Variants in NAV3 observed in about 807,000 individuals in gnomAD.
NAV3 encodes the protein pore membrane and/or filament interacting like protein 1.
NAV3 carries 87 observed loss-of-function variants against 244.7 expected under a neutral mutation model. The observed-to-expected ratio is 0.36, with a 90% CI of 0.30 to 0.42. The LOEUF is 0.42. Among genes scored for constraint, NAV3 ranks in the 20% least tolerant of loss-of-function variants. The pLI, the probability that NAV3 is intolerant of heterozygous loss-of-function variation, is 1.00. For missense variants in NAV3, 2,663 were observed against 2,893.3 expected (o/e 0.92, Z 1.83); for synonymous variants, 1,126 against 1,042.2 (o/e 1.08, Z -1.55).
chr12:77,989,197 T>C (rs936469784), intron 5 of NAV3, among the ~76,000 whole-genome samples: 14 of 152,166 alleles, frequency 9.2e-5, no homozygotes, highest in African/African-American at 3.4e-4. Context: ...TGCTCTCTTT[T>C]AGACCTCTTT....
intron 1 of NAV3, among the ~76,000 whole-genome samples, chr12:77,844,469 C>T (rs1876277805): frequency 6.6e-6 from 1 of 152,146 alleles, no homozygotes; most frequent in Non-Finnish European, 1.5e-5. Context: ...AAAGCATGAG[C>T]TAATATTTGG....
intron 12 of NAV3, among the ~76,000 whole-genome samples, chr12:78,089,780 C>T (rs879730674): frequency 3.9e-5 from 6 of 152,086 alleles, no homozygotes; most frequent in African/African-American, 1.4e-4. Flanking sequence ...TTTGACACTG[C>T]GTCTAACTCA....
At chr12:77,641,686 C>T (rs1872417741) in intron 2 of NAV3, among the ~76,000 whole-genome samples, 2 of 151,840 alleles carry the variant, frequency 1.3e-5, no homozygotes, top group South Asian at 4.2e-4. Flanking sequence ...TTTATGAATA[C>T]ATAACAAGAG....
intron 2 of NAV3, among the ~76,000 whole-genome samples, chr12:77,685,462 C>T (rs1289242572): frequency 7.8e-5 from 11 of 140,580 alleles, no homozygotes; most frequent in South Asian, 4.7e-4. Context: ...ATACTCCCAA[C>T]GCATACACAT....
intron 1 of NAV3, among the ~76,000 whole-genome samples, chr12:77,836,536 T>A (rs1185164556): frequency 6.8e-6 from 1 of 148,102 alleles, no homozygotes; most frequent in East Asian, 1.9e-4. Flanking sequence ...AGTATTATAA[T>A]CTACATTTAC....
chr12:78,200,404 G>T, intron 37 of NAV3, 69 bp from the exon 38 acceptor site: 1 of 860,678 alleles, frequency 1.2e-6, no homozygotes, highest in Non-Finnish European at 1.7e-6. Context: ...ATTCCAAAAT[G>T]GTGTCTAGAT....
intron 16 of NAV3, 55 bp downstream of exon 16, chr12:78,122,483 C>T: frequency 6.6e-7 from 1 of 1,505,706 alleles, no homozygotes; most frequent in South Asian, 1.3e-5. Flanking sequence ...TGCACTATGC[C>T]TAACCCCCAC....
intron 3 of NAV3, among the ~76,000 whole-genome samples, chr12:77,964,221 G>T (rs1011769047): frequency 6.6e-6 from 1 of 151,998 alleles, no homozygotes; most frequent in African/African-American, 2.4e-5. Context: ...CTTAGTTACA[G>T]ACTCAATGAG....
At chr12:77,897,078 A>G (rs967085582) in intron 1 of NAV3, among the ~76,000 whole-genome samples, 4 of 152,154 alleles carry the variant, frequency 2.6e-5, no homozygotes, top group South Asian at 2.1e-4. Context: ...CACAATCTGC[A>G]TTTGAACAAG....
At chr12:77,960,976 A>G (rs995792660) in intron 3 of NAV3, among the ~76,000 whole-genome samples, 1 of 146,604 alleles carries the variant, frequency 6.8e-6, no homozygotes, top group East Asian at 2.1e-4. Context: ...ATATGTATAT[A>G]TGTATATGTT....
intron 38 of NAV3, among the ~76,000 whole-genome samples, chr12:78,200,966 T>C (rs1401992196): frequency 6.6e-6 from 1 of 151,644 alleles, no homozygotes; most frequent in Non-Finnish European, 1.5e-5. Context: ...TTTATCTTTT[T>C]CTTCTTTTCT....
intron 1 of NAV3, among the ~76,000 whole-genome samples, chr12:77,847,722 A>C (rs1256669637): frequency 6.6e-6 from 1 of 152,168 alleles, no homozygotes; most frequent in Non-Finnish European, 1.5e-5. Flanking sequence ...ATTTTAATTA[A>C]ATTTCATATT....
intron 1 of NAV3, among the ~76,000 whole-genome samples, chr12:77,894,778 C>T (rs144179297): frequency 3.6e-4 from 55 of 152,250 alleles, no homozygotes; most frequent in East Asian, 2.5e-3. Context: ...GGAAAGCTCC[C>T]GCTCATTGCT....
intron 12 of NAV3, among the ~76,000 whole-genome samples, chr12:78,093,951 TCAAA>T (rs1207435048): frequency 2.0e-5 from 3 of 152,194 alleles, no homozygotes; most frequent in East Asian, 3.9e-4. Flanking sequence ...ACACTTGGGC[TCAAA>T]CAGTCTTCTC....
chr12:78,091,379 T>C (rs942739095), intron 12 of NAV3: 1 of 152,212 alleles, frequency 6.6e-6, no homozygotes, highest in African/African-American at 2.4e-5. Context: ...TTTTAATTTG[T>C]AGAGCATTAA....
chr12:77,962,461 G>A (rs1049643904), intron 3 of NAV3, among the ~76,000 whole-genome samples: 15 of 152,020 alleles, frequency 9.9e-5, no homozygotes, highest in African/African-American at 3.6e-4. Flanking sequence ...TGTGATTAAA[G>A]CCCAAAACCT....
At chr12:78,153,730 G>C (rs990322510) in intron 22 of NAV3, among the ~76,000 whole-genome samples, 1 of 152,048 alleles carries the variant, frequency 6.6e-6, no homozygotes, top group African/African-American at 2.4e-5. Context: ...TTGCCTTTCA[G>C]CAGATAAGTC....
chr12:78,166,217 C>A (rs1315502477), intron 23 of NAV3, among the ~76,000 whole-genome samples: 1 of 151,776 alleles, frequency 6.6e-6, no homozygotes, highest in Non-Finnish European at 1.5e-5. Flanking sequence ...TTTACCATGG[C>A]TTTTAACAGT....
At chr12:77,958,127 A>G (rs1390462062) in intron 3 of NAV3, among the ~76,000 whole-genome samples, 2 of 152,200 alleles carry the variant, frequency 1.3e-5, no homozygotes, top group Non-Finnish European at 2.9e-5. Context: ...CTGAAACCCA[A>G]TTTGTAATTT....
Sources: gnomAD v4.1 joint callset for allele counts (sites outside exome capture counted in the v4.1 genomes callset) on GRCh38, gnomAD v4.1.1 for gene constraint, MANE v1.5 for transcripts, NCBI Gene and HGNC (gene_info 2026-07-23, HGNC 2026-07-21) for gene names.